The following SPTB variants were observed in gnomAD, a reference collection of about 807,000 sequenced individuals.
The protein encoded by SPTB is spectrin beta chain, erythrocytic.
In SPTB, 45 loss-of-function variants were observed where a neutral mutation model predicts 256.2. The ratio of observed to expected loss-of-function variants is 0.18; its 90% CI spans 0.14 to 0.23. The LOEUF is 0.23. Among genes scored for constraint, SPTB ranks in the 10% least tolerant of loss-of-function variants. The probability of loss-of-function intolerance (pLI) is 1.00; values close to 1 mark genes in which losing one functional copy is unlikely to be tolerated. For missense variants in SPTB, 2,715 were observed against 3,040.4 expected, an observed-to-expected ratio of 0.89 and a Z score of 2.52; for synonymous variants, 1,231 against 1,243.1, an observed-to-expected ratio of 0.99 and a Z score of 0.21.
rs540523265 is a variant in SPTB at position 64,852,284 on chromosome 14, A to G, written c.-52+27508T>C. Among the ~76,000 whole-genome samples the G allele has an allele frequency of 5.3e-5, 8 of 152,198 alleles. No individual in the cohort carries two copies. The highest frequency in any genetic ancestry group is 1.9e-4 in the African/African-American group (8 of 41,530). ...CAACAGGGAAGTAAGAGGAAAGCAT[A>G]TGTGGAGGCATGGAAGGATGGAAGA... On this transcript the variant is annotated intron_variant, in intron 1 of 35. Transcript: ENST00000644917. This position sits in a 1 kb window ranked among gnomAD's most constrained non-coding sequence, Gnocchi z 4.2.
In SPTB at chr14:64,791,981, C is replaced by T. The variant is rs2082683027; in HGVS notation, c.2667-125G>A. The T allele has an allele frequency of 4.6e-6, 6 of 1,317,204 alleles. No homozygotes were observed. The South Asian group carries it at 6.4e-5, about 14-fold the overall frequency. The allele number at this position is 1,317,204 out of a possible 1,614,324, so 81.6% of individuals were successfully genotyped here. On this transcript the variant is annotated intron_variant, in intron 14 of 35. Transcript: ENST00000644917. ...CTCCTTCCACTGCCTAAACCATTTGCCCAGGTGAGGCAGGAGGAAGAAAAC... is the reference window on the plus strand; with the variant it reads ...CTCCTTCCACTGCCTAAACCATTTGTCCAGGTGAGGCAGGAGGAAGAAAAC...
chr14:64,773,368 T>C lies in SPTB; in HGVS notation c.5030A>G (p.Asp1677Gly). 2 of 1,614,220 alleles carry C rather than the reference T, an allele frequency of 1.2e-6. No individual in the cohort carries two copies. The highest frequency in any genetic ancestry group is 1.7e-6 in the Non-Finnish European group (2 of 1,180,042). ...QVDKHYAGLK[D>G]VAEERKRKLE... The stretch of plus-strand genomic sequence containing the variant: ...CTTGCGCTTGCGCTCTTCCGCCACG[T>C]CCTTCAGCCCTGCGTAGTGCTTGTC... Residue 1677 changes from aspartate (D) to glycine (G), a missense_variant, in exon 25 of 36, where the codon GAC becomes GGC. Physicochemically the swap from Asp to Gly is moderately conservative, Grantham distance 94 (BLOSUM62 -1). Transcript: ENST00000644917.
chr14:64,870,582 T>C (rs1882470085), intron 1 of SPTB, among the ~76,000 whole-genome samples: 1 of 152,242 alleles, frequency 6.6e-6, no homozygotes. Context: ...AGAACTTTGA[T>C]GACGAACTAT....
In SPTB at chr14:64,772,347, A is replaced by G. The variant is rs2082289411; in HGVS notation, c.5553+233T>C. 6.6e-6 allele frequency among the ~76,000 whole-genome samples: 1 copy of G among 152,210 alleles called. No homozygotes were observed. Among genetic ancestry groups the G allele is most frequent in the Non-Finnish European group, 1.5e-5 (1 of 68,026 alleles). On this transcript the variant is annotated intron_variant, in intron 26 of 35. Transcript: ENST00000644917. This position sits in a 1 kb window ranked among gnomAD's most constrained non-coding sequence, Gnocchi z 5.4. Reference sequence around the variant, plus strand: ...GTACTGCACAACTGGAGAAACTGCAACCGTATAGTATTGTATGCATTGGCC... The same window carrying G: ...GTACTGCACAACTGGAGAAACTGCAGCCGTATAGTATTGTATGCATTGGCC...
chr14:64,801,588 G>A (rs1000418795), intron 6 of SPTB, among the ~76,000 whole-genome samples, 166 bp downstream of exon 6: 1 of 152,176 alleles, frequency 6.6e-6, no homozygotes, highest in Admixed American at 6.5e-5. Flanking sequence ...TGGGCGGCAG[G>A]CATGCTGGGA....
intron 2 of SPTB, among the ~76,000 whole-genome samples, chr14:64,814,397 ATGAGACTTTAAC>A (rs2083150809): frequency 1.3e-5 from 2 of 152,232 alleles, no homozygotes; most frequent in Non-Finnish European, 2.9e-5. Flanking sequence ...AAGTGTCTAT[ATGAGACTTTAAC>A]AAAATCTCTG....
intron 9 of SPTB, 58 bp from the exon 10 acceptor site, chr14:64,797,904 T>G: frequency 7.6e-7 from 1 of 1,318,508 alleles, no homozygotes; most frequent in Non-Finnish European, 1.1e-6. Flanking sequence ...CAAATTTTTT[T>G]GCTAAAGTCA....
intron 8 of SPTB, among the ~76,000 whole-genome samples, chr14:64,800,502 GA>G (rs561878667): frequency 1.3e-4 from 20 of 152,240 alleles, no homozygotes; most frequent in Non-Finnish European, 2.1e-4. Context: ...GGATGTCCAT[GA>G]GACATGGGTC....
chr14:64,838,559 T>C (rs2083559645), intron 1 of SPTB, among the ~76,000 whole-genome samples: 1 of 152,062 alleles, frequency 6.6e-6, no homozygotes, highest in Non-Finnish European at 1.5e-5. Context: ...AAAATCTCAA[T>C]TTAAAATGAG....
Position 64,873,435 on chromosome 14 carries a change from C to T in SPTB, c.-52+6357G>A, listed in dbSNP as rs1017847870. Reference sequence around the variant, plus strand: ...TGAAGTCCAAAATGAAGCATAAGCACAATAATGCCCAGTAAATTTGGGGTA... The same window carrying T: ...TGAAGTCCAAAATGAAGCATAAGCATAATAATGCCCAGTAAATTTGGGGTA... On this transcript the variant is annotated intron_variant, in intron 1 of 35. Transcript: ENST00000644917. This position sits in a 1 kb window ranked among gnomAD's most constrained non-coding sequence, Gnocchi z 4.3. Among the ~76,000 whole-genome samples, 1 of 152,124 alleles carries T rather than the reference C, an allele frequency of 6.6e-6. No individual in the cohort carries two copies. The highest frequency in any genetic ancestry group is 2.1e-4 in the South Asian group (1 of 4,828).
chr14:64,823,646 G>C lies in SPTB; in HGVS notation c.-51-501C>G, dbSNP rs1427550695. ...CATATGGGAACCATGGGGAGAGATG[G>C]ATGAGAGAGTTAAGCCGCCACTGAC... On this transcript the variant is annotated intron_variant, in intron 1 of 35. Transcript: ENST00000644917. The surrounding 1 kb of genome is among the most constrained non-coding windows in gnomAD (Gnocchi z 6.5). Among the ~76,000 whole-genome samples the C allele has an allele frequency of 6.6e-6, 1 of 152,288 alleles. No homozygotes were observed. The highest frequency in any genetic ancestry group is 1.9e-4 in the East Asian group (1 of 5,170).
At chr14:64,754,120 G>C (rs2081989910) in intron 32 of SPTB, 1 of 448,054 alleles carries the variant, frequency 2.2e-6, no homozygotes, top group Admixed American at 3.4e-5. Flanking sequence ...TTCATTAAAG[G>C]GGTGTGAGGG....
rs1401352362 is a variant in SPTB, at chr14:64,747,753, C to G, written c.*1553G>C. The G allele has an allele frequency of 6.6e-6, 1 of 152,430 alleles. No individual in the cohort carries two copies. The highest frequency in any genetic ancestry group is 1.5e-5 in the Non-Finnish European group (1 of 68,284). 9.4% of individuals were successfully genotyped at this position (152,430 alleles called of 1,614,324 possible). A position where few individuals can be genotyped will look rare whatever the true frequency, so the allele number is the denominator to read the frequency against. ...GGTGATAGAAACTTGACTGCAGGCC[C>G]TGGGGACTTTCATGGTTTCCTTGGG... On this transcript the variant is annotated 3_prime_UTR_variant, in exon 36 of 36. Transcript: ENST00000644917.
intron 2 of SPTB, among the ~76,000 whole-genome samples, chr14:64,818,550 C>T (rs753745791): frequency 2.0e-5 from 3 of 152,188 alleles, no homozygotes; most frequent in Non-Finnish European, 4.4e-5. Context: ...TCACTGGAGT[C>T]ACTGGAGTCT....
intron 1 of SPTB, among the ~76,000 whole-genome samples, chr14:64,854,266 T>C (rs1229602769): frequency 1.4e-5 from 2 of 139,652 alleles, no homozygotes; most frequent in African/African-American, 5.1e-5. Flanking sequence ...TCAATAGTTT[T>C]CCAAACTCTT....
At chr14:64,773,183 G>C (rs761228069) in intron 25 of SPTB, 37 bp downstream of exon 25, 5 of 1,613,278 alleles carry the variant, frequency 3.1e-6, no homozygotes, top group Non-Finnish European at 3.4e-6. Flanking sequence ...TACCGCATTA[G>C]AGAAAGACAA....
intron 27 of SPTB, among the ~76,000 whole-genome samples, chr14:64,770,400 G>A (rs905722045): frequency 1.3e-5 from 2 of 152,196 alleles, no homozygotes; most frequent in Non-Finnish European, 2.9e-5. Context: ...AGCAATAACT[G>A]ATGAAGTGAC....
Position 64,823,095 on chromosome 14 carries a change from G to A in SPTB, c.-1C>T. ...TTTCAAACTCTGTGGCCGATGTCAT[G>A]TCAGCAGGCTCTTAGCAGCTCCGCC... On this transcript the variant is annotated 5_prime_UTR_variant, in exon 2 of 36. Coordinates refer to ENST00000644917, the MANE Select transcript of SPTB (RefSeq NM_001355436.2). The surrounding 1 kb of genome is among the most constrained non-coding windows in gnomAD (Gnocchi z 6.5). 1 of 1,614,192 alleles carries A rather than the reference G, an allele frequency of 6.2e-7. No individual in the cohort carries two copies. The highest frequency in any genetic ancestry group is 8.5e-7 in the Non-Finnish European group (1 of 1,180,032).
intron 30 of SPTB, 51 bp from the exon 31 acceptor site, chr14:64,767,403 G>A: frequency 1.2e-6 from 2 of 1,610,504 alleles, no homozygotes; most frequent in South Asian, 1.1e-5. Flanking sequence ...GGCGAGTTGT[G>A]TTCTCAGACG....
Sources: allele counts gnomAD v4.1 joint callset (sites outside exome capture counted in the v4.1 genomes callset), GRCh38; gene constraint gnomAD v4.1.1; non-coding constraint Gnocchi (gnomAD v3.1); transcripts MANE v1.5; gene names NCBI Gene and HGNC (gene_info 2026-07-23, HGNC 2026-07-21).